The following ARPC4 variants were observed in gnomAD, a reference collection of about 807,000 sequenced individuals.
The protein encoded by ARPC4 is actin related protein 2/3 complex subunit 4.
Under a neutral mutation model 22.8 loss-of-function variants are expected in ARPC4, and 3 were observed. The observed-to-expected ratio is 0.13, with a 90% CI of 0.06 to 0.34. ARPC4 has a LOEUF of 0.34. ARPC4 is among the 10% of genes least tolerant of loss of function. The probability of loss-of-function intolerance (pLI) is 1.00; values close to 1 mark genes in which losing one functional copy is unlikely to be tolerated. For synonymous variants in ARPC4, 80 were observed against 72.5 expected, an observed-to-expected ratio of 1.10 and a Z score of -0.52; for missense variants, 98 against 211.0, an observed-to-expected ratio of 0.46 and a Z score of 3.32.
rs73113590 is a variant in ARPC4 at position 9,805,571 on chromosome 3, T to G, written c.502-639T>G. ...GCTCCAGGCCATTGAACCCCCAAAT[T>G]TGGATTTGTATATGGCATCTTCCAT... On this transcript the variant is annotated intron_variant, in intron 5 of 5. Coordinates refer to ENST00000397261, the MANE Select transcript of ARPC4 (RefSeq NM_005718.5). Among the ~76,000 whole-genome samples, 663 of 152,260 alleles carry G rather than the reference T, an allele frequency of 4.4e-3. 4 individuals are homozygous for G. The highest frequency in any genetic ancestry group is 0.015 in the African/African-American group (625 of 41,538).
At chr3:9,805,173 C>A (rs2079083223) in intron 5 of ARPC4, among the ~76,000 whole-genome samples, 1 of 152,182 alleles carries the variant, frequency 6.6e-6, no homozygotes, top group Non-Finnish European at 1.5e-5. Flanking sequence ...CTCACTCACT[C>A]AACAATCATT....
intron 1 of ARPC4, among the ~76,000 whole-genome samples, chr3:9,795,843 C>T (rs1253092629): frequency 1.3e-5 from 2 of 152,206 alleles, no homozygotes; most frequent in East Asian, 3.8e-4. Context: ...TGTCTGTAAT[C>T]CCAGCACTTT....
At chr3:9,793,059 G>A (rs2078783534), upstream of ARPC4, 14 of 1,545,012 alleles carry the variant, frequency 9.1e-6, no homozygotes, top group South Asian at 2.4e-5. Context: ...TCTCGCGAAA[G>A]GGCAGGCATC....
intron 5 of ARPC4, 25 bp downstream of exon 5, chr3:9,804,038 TTCCAGAGGCCAGAGGA>T: frequency 1.1e-5 from 17 of 1,611,282 alleles, no homozygotes; most frequent in Non-Finnish European, 1.4e-5. Flanking sequence ...TTAGCTTTCC[TTCCAGAGGCCAGAGGA>T]TCTGGGGGTC....
At chr3:9,792,750 ACG>A, upstream of ARPC4, 1 of 1,243,540 alleles carries the variant, frequency 8.0e-7, no homozygotes, top group Non-Finnish European at 1.0e-6. Flanking sequence ...ACCGGAAGAA[ACG>A]AAGGGCTCGT....
rs2078927924 is a variant in ARPC4, at chr3:9,797,848, CATGAACTT to C, written c.122+75_122+82del. 22 of 1,484,644 alleles carry C rather than the reference CATGAACTT, an allele frequency of 1.5e-5. 1 individual carries two copies. The Admixed American group carries it at 4.0e-4, about 27-fold the overall frequency. The allele number at this position is 1,484,644 out of a possible 1,614,324, so 92.0% of individuals were successfully genotyped here. On this transcript the variant is annotated intron_variant, in intron 2 of 5. Coordinates refer to ENST00000397261, the MANE Select transcript of ARPC4 (RefSeq NM_005718.5). ...GAGATGGCTGCTGTCTAGAAGGTGC[CATGAACTT>C]ATGTCCTGCAGTAGTCAGGAAAGCT...
rs2125653791 is a variant in ARPC4 at position 9,806,573 on chromosome 3, T to C, written c.*358T>C. 3.1e-6 allele frequency: 1 copy of C among 324,776 alleles called. No individual in the cohort carries two copies. Among genetic ancestry groups the C allele is most frequent in the African/African-American group, 2.2e-5 (1 of 45,136 alleles). The allele number at this position is 324,776 out of a possible 1,614,324, so 20.1% of individuals were successfully genotyped here. ...CTCCAGTGGCTGTGACTGGTCCCAG[T>C]GATTATACGTTATTGGTTGCTGTGG... On this transcript the variant is annotated 3_prime_UTR_variant, in exon 6 of 6. Coordinates refer to ENST00000397261, the MANE Select transcript of ARPC4 (RefSeq NM_005718.5).
intron 2 of ARPC4, chr3:9,799,871 T>C: frequency 2.0e-6 from 1 of 510,532 alleles, no homozygotes; most frequent in Non-Finnish European, 3.8e-6. Flanking sequence ...CTTTTTGATC[T>C]CTCTCAGTCC....
intron 4 of ARPC4, among the ~76,000 whole-genome samples, chr3:9,803,194 T>C (rs774993441): frequency 2.0e-5 from 3 of 152,192 alleles, no homozygotes; most frequent in Non-Finnish European, 4.4e-5. Context: ...ACTGAATCAG[T>C]CTCTTAAAGC....
upstream of ARPC4, chr3:9,792,842 G>T (rs948933092): frequency 4.4e-6 from 6 of 1,364,448 alleles, no homozygotes; most frequent in Non-Finnish European, 5.6e-6. Flanking sequence ...CTGTGGCAAA[G>T]GTGACAAGAA....
At chr3:9,803,744 G>C (rs2079059230) in intron 4 of ARPC4, 99 bp from the exon 5 acceptor site, 2 of 1,273,606 alleles carry the variant, frequency 1.6e-6, no homozygotes, top group Admixed American at 3.5e-5. Context: ...CCAGTGGGAA[G>C]CATGTGGATG....
At chr3:9,801,596 G>A in intron 3 of ARPC4, 65 bp from the exon 4 acceptor site, 1 of 1,497,846 alleles carries the variant, frequency 6.7e-7, no homozygotes, top group South Asian at 1.2e-5. Context: ...AGAAGACCAG[G>A]CTACAAGGTG....
chr3:9,800,313 G>A lies in ARPC4; in HGVS notation c.234+17G>A, dbSNP rs2078981186. Reference sequence around the variant, plus strand: ...GTGAAACAGGTAAGTTCACCATGGAGGAGGCCCAACGTAAGGCCTCTTTCA... The same window carrying A: ...GTGAAACAGGTAAGTTCACCATGGAAGAGGCCCAACGTAAGGCCTCTTTCA... On this transcript the variant is annotated intron_variant, in intron 3 of 5. Coordinates refer to ENST00000397261, the MANE Select transcript of ARPC4 (RefSeq NM_005718.5). 3 of 1,613,246 alleles carry A rather than the reference G, an allele frequency of 1.9e-6. No individual in the cohort carries two copies. The highest frequency in any genetic ancestry group is 1.3e-5 in the African/African-American group (1 of 74,872).
upstream of ARPC4, chr3:9,792,738 G>A (rs2078772010): frequency 2.4e-6 from 3 of 1,243,272 alleles, no homozygotes; most frequent in Non-Finnish European, 3.0e-6. Context: ...TGGGGGTACA[G>A]AACCGGAAGA....
chr3:9,795,819 G>C (rs886113794), intron 1 of ARPC4, among the ~76,000 whole-genome samples: 2 of 152,306 alleles, frequency 1.3e-5, no homozygotes, highest in Non-Finnish European at 2.9e-5. Context: ...AAGGAGGGCA[G>C]GTGCAGTGGT....
chr3:9,804,186 A>G, intron 5 of ARPC4, 173 bp downstream of exon 5: 2 of 620,924 alleles, frequency 3.2e-6, no homozygotes, highest in Non-Finnish European at 5.3e-6. Context: ...GAGGACCCCA[A>G]GTTCATCTCT....
In ARPC4 at chr3:9,806,277, C is replaced by T. The variant is rs537405232; in HGVS notation, c.*62C>T. ...CTACCCATGTCTCCACGAAGGCGTC[C>T]TGGAGTCACTCCCCGAGCAGCGCGG... On this transcript the variant is annotated 3_prime_UTR_variant, in exon 6 of 6. Coordinates refer to ENST00000397261, the MANE Select transcript of ARPC4 (RefSeq NM_005718.5). The T allele has an allele frequency of 3.2e-6, 5 of 1,574,614 alleles. No homozygotes were observed. In the Admixed American group the frequency reaches 8.3e-5, roughly 26 times the overall value.
intron 2 of ARPC4, 97 bp from the exon 3 acceptor site, chr3:9,800,088 A>G: frequency 8.3e-7 from 1 of 1,202,926 alleles, no homozygotes; most frequent in Admixed American, 2.1e-5. Flanking sequence ...TATTCCTTGG[A>G]CTCTATGGTC....
chr3:9,805,392 T>C (rs1010104266), intron 5 of ARPC4, among the ~76,000 whole-genome samples: 1 of 152,216 alleles, frequency 6.6e-6, no homozygotes, highest in African/African-American at 2.4e-5. Flanking sequence ...GTTTTCGGAC[T>C]CAGAGGTCTA....
Sources: gnomAD v4.1 joint callset for allele counts (sites outside exome capture counted in the v4.1 genomes callset) on GRCh38, gnomAD v4.1.1 for gene constraint, MANE v1.5 for transcripts, NCBI Gene and HGNC (gene_info 2026-07-23, HGNC 2026-07-21) for gene names.